NLN: variants seen among roughly 807,000 people sequenced by gnomAD.
The protein encoded by NLN is neurolysin, mitochondrial.
In NLN, 64 loss-of-function variants were observed where a neutral mutation model predicts 79.9. The ratio of observed to expected loss-of-function variants is 0.80; its 90% CI spans 0.65 to 0.99. NLN has a LOEUF of 0.99. Among genes scored for constraint, NLN ranks in the 50% least tolerant of loss-of-function variants. The pLI is 0.00. For missense variants in NLN, 835 were observed against 858.7 expected (o/e 0.97, Z 0.34); for synonymous variants, 267 against 296.6 (o/e 0.90, Z 1.02).
chr5:65,731,268 A>G (rs895230699), intron 1 of NLN, among the ~76,000 whole-genome samples: 1 of 152,140 alleles, frequency 6.6e-6, no homozygotes, highest in Non-Finnish European at 1.5e-5. Flanking sequence ...GCCACATTCT[A>G]CTGGTCAAAG....
In NLN at chr5:65,823,179, T is replaced by C; in HGVS notation, c.*264T>C. The C allele has an allele frequency of 2.9e-6, 1 of 344,570 alleles. No homozygotes were observed. Among genetic ancestry groups the C allele is most frequent in the Non-Finnish European group, 5.3e-6 (1 of 189,886 alleles). 21.3% of individuals were successfully genotyped at this position (344,570 alleles called of 1,614,324 possible). On this transcript the variant is annotated 3_prime_UTR_variant, in exon 13 of 13. Transcript: ENST00000380985. ...TTTTTATGAAAGTTTCATATGAATG[T>C]AACTTGATTTTTTACTATTATAATC...
At chr5:65,751,834 CTAT>C (rs1298180499) in intron 1 of NLN, among the ~76,000 whole-genome samples, 2 of 152,002 alleles carry the variant, frequency 1.3e-5, no homozygotes, top group Admixed American at 1.3e-4. Context: ...TGCCTAAACA[CTAT>C]TATTATGATG....
intron 9 of NLN, chr5:65,808,986 G>T (rs1760482564): frequency 6.6e-6 from 1 of 152,206 alleles, no homozygotes; most frequent in Non-Finnish European, 1.5e-5. Flanking sequence ...AATTAATTTT[G>T]GTTAAGACCT....
chr5:65,809,696 A>G lies in NLN; in HGVS notation c.1709A>G (p.Asn570Ser). 1 of 1,589,448 alleles carries G rather than the reference A, an allele frequency of 6.3e-7. No homozygotes were observed. Among genetic ancestry groups the G allele is most frequent in the Non-Finnish European group, 8.5e-7 (1 of 1,171,046 alleles). Reference protein sequence around the residue: ...LEKLVASRLVNTGLLTLRQIV... With the variant: ...LEKLVASRLVSTGLLTLRQIV... ...AAACTTGTTGCTTCTAGGCTGGTCAACACAGGTATGACTTCTAATTTTAAA... is the reference window on the plus strand; with the variant it reads ...AAACTTGTTGCTTCTAGGCTGGTCAGCACAGGTATGACTTCTAATTTTAAA... Residue 570 changes from asparagine to serine, a missense_variant, in exon 10 of 13, where the codon AAC (asparagine) becomes AGC (serine). By Grantham distance (46) the Asn-to-Ser change is conservative (BLOSUM62 1). Coordinates refer to ENST00000380985, the MANE Select transcript of NLN (RefSeq NM_020726.5).
chr5:65,804,362 C>A (rs552224577), intron 9 of NLN, among the ~76,000 whole-genome samples: 7 of 152,174 alleles, frequency 4.6e-5, no homozygotes, highest in Non-Finnish European at 1.0e-4. Context: ...ATGATATGAG[C>A]ACACCTCATT....
At chr5:65,731,738 T>G (rs1165702347) in intron 1 of NLN, among the ~76,000 whole-genome samples, 1 of 122,002 alleles carries the variant, frequency 8.2e-6, no homozygotes, top group African/African-American at 3.2e-5. Flanking sequence ...ATCACCTACA[T>G]TTTCTTTTTT....
At chr5:65,763,474 A>G (rs1398412051) in intron 3 of NLN, among the ~76,000 whole-genome samples, 1 of 152,232 alleles carries the variant, frequency 6.6e-6, no homozygotes, top group Non-Finnish European at 1.5e-5. Context: ...CATAATATTG[A>G]TGACATACTG....
intron 8 of NLN, among the ~76,000 whole-genome samples, chr5:65,789,918 C>T (rs945410692): frequency 6.6e-6 from 1 of 152,172 alleles, no homozygotes; most frequent in Non-Finnish European, 1.5e-5. Flanking sequence ...GTGACATAAC[C>T]TCTTTGAGAT....
chr5:65,803,331 C>T lies in NLN; in HGVS notation c.1528-6184C>T, dbSNP rs950232895. On this transcript the variant is annotated intron_variant, in intron 9 of 12. Coordinates refer to ENST00000380985, the MANE Select transcript of NLN (RefSeq NM_020726.5). ...CTGCAGGCCAGTGCCAAGCCACGCT[C>T]AGTTCCCCCCTCAGCTTCCCTCCCA... 2.2e-4 allele frequency among the ~76,000 whole-genome samples: 33 copies of T among 152,220 alleles called. 1 individual carries two copies. Among genetic ancestry groups the T allele is most frequent in the Admixed American group, 6.5e-5 (1 of 15,290 alleles).
At chr5:65,744,583 T>A (rs529768004) in intron 1 of NLN, among the ~76,000 whole-genome samples, 50 of 152,112 alleles carry the variant, frequency 3.3e-4, no homozygotes, top group Non-Finnish European at 6.3e-4. Context: ...CAGCATTTAT[T>A]GCATAGAGTG....
At chr5:65,804,649 C>G (rs1003663430) in intron 9 of NLN, among the ~76,000 whole-genome samples, 1 of 152,162 alleles carries the variant, frequency 6.6e-6, no homozygotes, top group Non-Finnish European at 1.5e-5. Flanking sequence ...CTGTCTCAGC[C>G]TCCTAAGTAG....
intron 1 of NLN, among the ~76,000 whole-genome samples, chr5:65,731,751 TTTTTTTTTTTTTTTTTTC>T (rs538961891): frequency 0.021 from 2,460 of 114,688 alleles, 94 homozygotes; most frequent in African/African-American, 0.074. Flanking sequence ...TCTTTTTTTT[TTTTTTTTTTTTTTTTTTC>T]AGACAGAGTC....
intron 12 of NLN, among the ~76,000 whole-genome samples, chr5:65,812,936 T>C (rs1252943599): frequency 1.3e-5 from 2 of 152,210 alleles, no homozygotes; most frequent in South Asian, 2.1e-4. Context: ...GCCAGGTAGC[T>C]GCCAGACAAA....
intron 6 of NLN, among the ~76,000 whole-genome samples, chr5:65,785,265 C>T (rs1759893149): frequency 6.6e-6 from 1 of 152,240 alleles, no homozygotes; most frequent in South Asian, 2.1e-4. Flanking sequence ...AGCTAAACTA[C>T]TTTACATTCT....
intron 6 of NLN, among the ~76,000 whole-genome samples, chr5:65,782,965 C>A (rs898370895): frequency 6.6e-6 from 1 of 152,196 alleles, no homozygotes; most frequent in Non-Finnish European, 1.5e-5. Context: ...TGGGTCCTTA[C>A]CTTCCATTCC....
At chr5:65,801,020 C>A (rs373668624) in intron 9 of NLN, among the ~76,000 whole-genome samples, 2 of 152,082 alleles carry the variant, frequency 1.3e-5, no homozygotes, top group African/African-American at 4.8e-5. Context: ...CAACTGTCTT[C>A]CTCTCAAGAA....
intron 12 of NLN, among the ~76,000 whole-genome samples, chr5:65,822,078 T>A (rs982897026): frequency 6.6e-6 from 1 of 152,226 alleles, no homozygotes; most frequent in African/African-American, 2.4e-5. Flanking sequence ...GAAAGGGAAG[T>A]GAAAATATTG....
At chr5:65,774,322 G>A (rs1759634086) in intron 3 of NLN, among the ~76,000 whole-genome samples, 1 of 152,056 alleles carries the variant, frequency 6.6e-6, no homozygotes, top group South Asian at 2.1e-4. Flanking sequence ...AAGAACTTTA[G>A]CCTTCTACTC....
intron 1 of NLN, among the ~76,000 whole-genome samples, chr5:65,738,522 G>A (rs768574409): frequency 1.3e-5 from 2 of 151,924 alleles, no homozygotes; most frequent in East Asian, 2.0e-4. Flanking sequence ...GCAGTGAGCC[G>A]TGATTGCGCC....
Sources: allele counts gnomAD v4.1 joint callset (sites outside exome capture counted in the v4.1 genomes callset), GRCh38; gene constraint gnomAD v4.1.1; transcripts MANE v1.5; gene names NCBI Gene and HGNC (gene_info 2026-07-23, HGNC 2026-07-21).